The following ADNP variants were observed in gnomAD, a reference collection of about 807,000 sequenced individuals.
ADNP encodes activity-dependent neuroprotector homeobox protein.
A neutral mutation model predicts 84.9 loss-of-function variants in ADNP; 4 were observed. The ratio of observed to expected loss-of-function variants is 0.05; its 90% CI spans 0.02 to 0.11. ADNP has a LOEUF of 0.11. ADNP is among the 10% of genes least tolerant of loss of function. The probability of loss-of-function intolerance (pLI) is 1.00; values close to 1 mark genes in which losing one functional copy is unlikely to be tolerated. For missense variants in ADNP, 1,132 were observed against 1,326.0 expected (o/e 0.85, Z 2.27); for synonymous variants, 554 against 468.1 (o/e 1.18, Z -2.37).
chr20:50,930,476 C>T (rs1984632031), intron 1 of ADNP, among the ~76,000 whole-genome samples: 1 of 282 alleles, frequency 3.5e-3, no homozygotes, highest in Non-Finnish European at 7.6e-3. Flanking sequence ...GGATTAGTTC[C>T]AGGATGGGAG....
chr20:50,901,994 A>G (rs1410274975), intron 5 of ADNP, 23 bp downstream of exon 5: 2 of 1,552,982 alleles, frequency 1.3e-6, no homozygotes, highest in Non-Finnish European at 1.8e-6. Context: ...CTGCCATCTG[A>G]GGAAGTCTCC....
intron 2 of ADNP, among the ~76,000 whole-genome samples, chr20:50,926,519 A>G (rs938932040): frequency 2.0e-5 from 3 of 152,200 alleles, no homozygotes; most frequent in African/African-American, 7.2e-5. Context: ...ATACATACAT[A>G]AAGTTTAATT....
intron 2 of ADNP, among the ~76,000 whole-genome samples, chr20:50,920,236 T>C (rs1178210454): frequency 4.2e-5 from 5 of 119,094 alleles, no homozygotes; most frequent in Non-Finnish European, 6.4e-5. Flanking sequence ...CACTCCAGCC[T>C]GGGCAACAGA....
intron 5 of ADNP, among the ~76,000 whole-genome samples, chr20:50,900,507 G>A (rs1981863311): frequency 6.6e-6 from 1 of 152,200 alleles, no homozygotes; most frequent in South Asian, 2.1e-4. Context: ...CAGCACAGGT[G>A]TGTTTACATT....
At chr20:50,913,885 A>G (rs1983286837) in intron 2 of ADNP, 2 of 613,794 alleles carry the variant, frequency 3.3e-6, no homozygotes, top group Non-Finnish European at 6.1e-6. Context: ...ATACATACAT[A>G]AATTATTGAA....
At chr20:50,914,280 A>C (rs1036791487) in intron 2 of ADNP, 7 of 700,258 alleles carry the variant, frequency 1.0e-5, no homozygotes, top group Admixed American at 4.3e-5. Context: ...AGAGTGGAAG[A>C]AGCAAAACTG....
At position 50,914,712 on chromosome 20, in the gene ADNP, C is replaced by T. The variant is rs532223196; in HGVS notation, c.-89-9863G>A. Among the ~76,000 whole-genome samples the T allele has an allele frequency of 9.2e-5, 14 of 152,280 alleles. No homozygotes were observed. In the South Asian group the frequency reaches 2.9e-3, roughly 32 times the overall value. ...CCGAGCATGCACCTTGTATCAGTCT[C>T]TGAAATAGAATAGCTCCAATAGCAA... On this transcript the variant is annotated intron_variant, in intron 2 of 5. Transcript: ENST00000621696.
chr20:50,927,749 A>G lies in ADNP; in HGVS notation c.-90+902T>C, dbSNP rs181826246. 1.0e-3 allele frequency among the ~76,000 whole-genome samples: 154 copies of G among 152,366 alleles called. 2 individuals carry two copies. The Middle Eastern group carries it at 0.027, about 27-fold the overall frequency. ...AGAAACCTTTGAAACAGTAGAATAC[A>G]TGCTTTCTAAGAGCTCACAGCAAGT... On this transcript the variant is annotated intron_variant, in intron 2 of 5. Coordinates refer to ENST00000621696, the MANE Select transcript of ADNP (RefSeq NM_001282531.3).
intron 5 of ADNP, among the ~76,000 whole-genome samples, chr20:50,899,318 G>A (rs915892918): frequency 2.0e-5 from 3 of 150,616 alleles, no homozygotes; most frequent in Non-Finnish European, 4.4e-5. Context: ...TGCCTTCCCC[G>A]CTCCCACTTC....
intron 2 of ADNP, among the ~76,000 whole-genome samples, chr20:50,913,250 C>CAAAAAAAAAAAAAAAAAAAAAAAA (rs56911332): frequency 2.1e-4 from 9 of 42,902 alleles, no homozygotes; most frequent in African/African-American, 3.2e-4. Flanking sequence ...GACTCTGTCT[C>CAAAAAAAAAAAAAAAAAAAAAAAA]AAAAAAAAAA....
intron 2 of ADNP, among the ~76,000 whole-genome samples, chr20:50,921,132 T>A (rs1287550006): frequency 6.6e-6 from 1 of 152,224 alleles, no homozygotes; most frequent in African/African-American, 2.4e-5. Context: ...GTTACCATTA[T>A]CACCTTAAAC....
At chr20:50,923,119 G>C (rs1381539719) in intron 2 of ADNP, among the ~76,000 whole-genome samples, 1 of 152,132 alleles carries the variant, frequency 6.6e-6, no homozygotes, top group Non-Finnish European at 1.5e-5. Context: ...TGGGTGTTAT[G>C]AGCCAGGAAC....
chr20:50,930,465 G>A (rs567086426), intron 1 of ADNP, among the ~76,000 whole-genome samples: 159 of 17,250 alleles, frequency 9.2e-3, no homozygotes, highest in Middle Eastern at 0.059. Flanking sequence ...GGGGGCGGAC[G>A]GGATTAGTTC....
In ADNP at chr20:50,893,217, G is replaced by A; in HGVS notation, c.1497C>T (p.Pro499=). The change falls in exon 6 of 6, where the codon CCC becomes CCT. Residue 499 remains proline (P), a synonymous_variant. Transcript: ENST00000621696. The surrounding 1 kb of genome is among the most constrained non-coding windows in gnomAD (Gnocchi z 4.4). ...SKCLYCNRYL[P]TDTLLNHMLI... ...ACATATGGTTGAGCAGAGTATCTGT[G>A]GGTAAATAGCGATTACAGTAGAGGC... 1 of 1,614,216 alleles carries A rather than the reference G, an allele frequency of 6.2e-7. No individual in the cohort carries two copies. Among genetic ancestry groups the A allele is most frequent in the Non-Finnish European group, 8.5e-7 (1 of 1,180,054 alleles).
intron 2 of ADNP, among the ~76,000 whole-genome samples, chr20:50,920,358 A>T (rs566100117): frequency 2.4e-4 from 36 of 151,854 alleles, no homozygotes; most frequent in Admixed American, 2.1e-3. Flanking sequence ...AGGCAGACAG[A>T]TCACTTGAGG....
rs1408686146 is a variant in ADNP at position 50,891,203 on chromosome 20, GTGTC to G, written c.*198_*201del. 7.6e-6 allele frequency: 10 copies of G among 1,316,780 alleles called. No individual in the cohort carries two copies. The highest frequency in any genetic ancestry group is 7.4e-5 in the Admixed American group (2 of 26,984). 81.6% of individuals were successfully genotyped at this position (1,316,780 alleles called of 1,614,324 possible). ...TATTGGTTTTTCACATTTAGTTACC[GTGTC>G]TGTCAGAGAAGGTTCTGAAGCAAGA... On this transcript the variant is annotated 3_prime_UTR_variant, in exon 6 of 6. Coordinates refer to ENST00000621696, the MANE Select transcript of ADNP (RefSeq NM_001282531.3).
rs6096178 is a variant in ADNP, at chr20:50,906,115, G to A, written c.-89-1266C>T. On this transcript the variant is annotated intron_variant, in intron 2 of 5. Coordinates refer to ENST00000621696, the MANE Select transcript of ADNP (RefSeq NM_001282531.3). ...TAATCCCAGCTACTCGGGAGGCTGA[G>A]GCAGGAGAATCGCTTGAACCCGGGA... Among the ~76,000 whole-genome samples, 7 of 152,334 alleles carry A rather than the reference G, an allele frequency of 4.6e-5. No individual in the cohort carries two copies. In the South Asian group the frequency reaches 1.4e-3, roughly 32 times the overall value.
Position 50,892,643 on chromosome 20 carries a change from C to T in ADNP, c.2071G>A (p.Gly691Arg). ...TTATCCTGGCCATTTTGGGTCTTTC[C>T]AACGCCCCTGCAGTGAACTAGATGC... ...TLHLVHCRGV[G>R]KTQNGQDKTN... is the part of the protein sequence containing the mutation. The change falls in exon 6 of 6, where the codon GGA becomes AGA. Residue 691 changes from glycine to arginine, a missense_variant. This residue lies in a region of ADNP where 39 missense variants were observed against 96.2 expected (regional missense o/e 0.41). Coordinates refer to ENST00000621696, the MANE Select transcript of ADNP (RefSeq NM_001282531.3). The T allele has an allele frequency of 3.1e-6, 5 of 1,614,138 alleles. No homozygotes were observed. Among genetic ancestry groups the T allele is most frequent in the Non-Finnish European group, 4.2e-6 (5 of 1,180,038 alleles).
At chr20:50,926,174 G>C (rs897303459) in intron 2 of ADNP, among the ~76,000 whole-genome samples, 5 of 152,206 alleles carry the variant, frequency 3.3e-5, no homozygotes, top group Admixed American at 2.6e-4. Context: ...AACAAGTCAA[G>C]CTCTGTGAAT....
Sources: allele counts gnomAD v4.1 joint callset (sites outside exome capture counted in the v4.1 genomes callset), GRCh38; gene constraint gnomAD v4.1.1; regional missense constraint gnomAD v4.1.1; non-coding constraint Gnocchi (gnomAD v3.1); transcripts MANE v1.5; gene names NCBI Gene and HGNC (gene_info 2026-07-23, HGNC 2026-07-21).